Variants in FBXL20 observed in about 807,000 individuals in gnomAD.
FBXL20 encodes F-box/LRR-repeat protein 20.
In FBXL20, 11 loss-of-function variants were observed where a neutral mutation model predicts 64.0. The ratio of observed to expected loss-of-function variants is 0.17; its 90% CI spans 0.11 to 0.28. The LOEUF is 0.28. Ranked by LOEUF, FBXL20 falls within the 10% of genes least tolerant of loss-of-function variation. FBXL20 has a pLI of 1.00. For synonymous variants in FBXL20, 184 were observed against 189.0 expected (o/e 0.97, Z 0.22); for missense variants, 303 against 526.2 (o/e 0.58, Z 4.15).
chr17:39,372,466 C>T (rs1195052608), intron 1 of FBXL20, among the ~76,000 whole-genome samples: 2 of 133,484 alleles, frequency 1.5e-5, no homozygotes, highest in African/African-American at 3.0e-5. Context: ...TTGCAGCGAG[C>T]CGAGATTGCG....
intron 1 of FBXL20, among the ~76,000 whole-genome samples, chr17:39,382,313 T>C (rs2048031958): frequency 6.7e-6 from 1 of 149,950 alleles, no homozygotes; most frequent in Admixed American, 6.7e-5. Context: ...CATGGTGGCG[T>C]ACGCCTGTAG....
chr17:39,368,932 G>A (rs1021609027), intron 1 of FBXL20, among the ~76,000 whole-genome samples: 14 of 152,174 alleles, frequency 9.2e-5, no homozygotes, highest in African/African-American at 3.4e-4. Context: ...TCGGATTACA[G>A]GCATGAGCCA....
At position 39,258,075 on chromosome 17, in the gene FBXL20, G is replaced by T. The variant is rs1254128416; in HGVS notation, c.*3385C>A. Reference sequence around the variant, plus strand: ...GTAGGTTTACGGCAGTAGTTTTGAGGGTACCTTCTAACTTATCCCCAAATC... The same window carrying T: ...GTAGGTTTACGGCAGTAGTTTTGAGTGTACCTTCTAACTTATCCCCAAATC... On this transcript the variant is annotated 3_prime_UTR_variant, in exon 15 of 15. Transcript: ENST00000264658. The T allele has an allele frequency of 6.6e-6, 1 of 152,054 alleles. No individual in the cohort carries two copies. The highest frequency in any genetic ancestry group is 1.5e-5 in the Non-Finnish European group (1 of 68,002). 9.4% of individuals were successfully genotyped at this position (152,054 alleles called of 1,614,324 possible).
chr17:39,344,723 G>A (rs71369745), intron 1 of FBXL20, among the ~76,000 whole-genome samples: 1,956 of 152,282 alleles, frequency 0.013, 49 homozygotes, highest in African/African-American at 0.045. Context: ...CCAGGCTGCA[G>A]AGCTTGCAGT....
rs2046741314 is a variant in FBXL20, at chr17:39,261,111, A to G, written c.*349T>C. The G allele has an allele frequency of 9.2e-6, 2 of 218,050 alleles. No homozygotes were observed. Among genetic ancestry groups the G allele is most frequent in the Non-Finnish European group, 1.9e-5 (2 of 106,920 alleles). 13.5% of individuals were successfully genotyped at this position (218,050 alleles called of 1,614,324 possible). ...CTAAAATCCCCAAAGAAACCCCTAGACAAAAATTTAAAAACCACAGTAGCA... is the reference window on the plus strand; with the variant it reads ...CTAAAATCCCCAAAGAAACCCCTAGGCAAAAATTTAAAAACCACAGTAGCA... On this transcript the variant is annotated 3_prime_UTR_variant, in exon 15 of 15. Transcript: ENST00000264658.
chr17:39,305,262 G>T (rs1021493035), intron 2 of FBXL20, among the ~76,000 whole-genome samples: 4 of 152,144 alleles, frequency 2.6e-5, no homozygotes, highest in Non-Finnish European at 5.9e-5. Flanking sequence ...AGCAATGTTA[G>T]AAAATATTTA....
Position 39,396,010 on chromosome 17 carries a change from G to T in FBXL20, c.42+5351C>A, listed in dbSNP as rs186876923. Among the ~76,000 whole-genome samples the T allele has an allele frequency of 7.3e-3, 936 of 128,988 alleles. 9 individuals carry two copies. Among genetic ancestry groups the T allele is most frequent in the African/African-American group, 0.02 (699 of 34,844 alleles). The allele number at this position is 128,988 out of a possible 152,430, so 84.6% of individuals were successfully genotyped here. On this transcript the variant is annotated intron_variant, in intron 1 of 14. Coordinates refer to ENST00000264658, the MANE Select transcript of FBXL20 (RefSeq NM_032875.3). ...CATTCAAAGCCAAGAGTTTTGTGGG[G>T]TTTTTTTTTTTTTTTAATTCATTTG...
chr17:39,341,959 T>C (rs1401426812), intron 2 of FBXL20, among the ~76,000 whole-genome samples: 2 of 152,206 alleles, frequency 1.3e-5, no homozygotes, highest in Non-Finnish European at 2.9e-5. Context: ...TGCTGCAGTC[T>C]AAAGAATTTC....
chr17:39,306,589 C>T (rs577850867), intron 2 of FBXL20, among the ~76,000 whole-genome samples: 39 of 152,272 alleles, frequency 2.6e-4, no homozygotes, highest in South Asian at 2.5e-3. Flanking sequence ...TATTTCTGAG[C>T]TCTCTATTCT....
At chr17:39,388,088 A>AC (rs2048099720) in intron 1 of FBXL20, among the ~76,000 whole-genome samples, 1 of 152,180 alleles carries the variant, frequency 6.6e-6, no homozygotes, top group South Asian at 2.1e-4. Context: ...TGCAAATTTC[A>AC]CATTATTGAA....
At chr17:39,396,956 CA>C (rs1253381568) in intron 1 of FBXL20, among the ~76,000 whole-genome samples, 64 of 78,332 alleles carry the variant, frequency 8.2e-4, no homozygotes, top group Middle Eastern at 0.013. Flanking sequence ...GACTCCGGCT[CA>C]AAAAAAAAAA....
chr17:39,373,186 T>C (rs1463207999), intron 1 of FBXL20, among the ~76,000 whole-genome samples: 1 of 152,114 alleles, frequency 6.6e-6, no homozygotes, highest in African/African-American at 2.4e-5. Context: ...CCACTCCTGG[T>C]TTACACAAGG....
chr17:39,354,958 T>C (rs1480989475), intron 1 of FBXL20, among the ~76,000 whole-genome samples: 1 of 152,128 alleles, frequency 6.6e-6, no homozygotes, highest in African/African-American at 2.4e-5. Flanking sequence ...TGAGACAGAG[T>C]TTTGCTCTTG....
chr17:39,268,361 T>A (rs539156109), intron 12 of FBXL20, among the ~76,000 whole-genome samples: 12 of 151,908 alleles, frequency 7.9e-5, no homozygotes, highest in South Asian at 2.1e-4. Context: ...CTCAAAAAAA[T>A]AATAATAATA....
At position 39,324,305 on chromosome 17, in the gene FBXL20, T is replaced by C. The variant is rs573676751; in HGVS notation, c.104+18875A>G. Among the ~76,000 whole-genome samples the C allele has an allele frequency of 3.2e-4, 48 of 149,476 alleles. 2 individuals carry two copies. Among genetic ancestry groups the C allele is most frequent in the Admixed American group, 1.4e-3 (21 of 15,186 alleles). On this transcript the variant is annotated intron_variant, in intron 2 of 14. Coordinates refer to ENST00000264658, the MANE Select transcript of FBXL20 (RefSeq NM_032875.3). ...TCTCCAGGTGATTTTTCTTTTTTTTTTAGACAAGAGTCTCACACTGTCACC... is the reference window on the plus strand; with the variant it reads ...TCTCCAGGTGATTTTTCTTTTTTTTCTAGACAAGAGTCTCACACTGTCACC...
intron 1 of FBXL20, among the ~76,000 whole-genome samples, chr17:39,360,296 T>G (rs1374069898): frequency 2.0e-5 from 3 of 152,164 alleles, no homozygotes; most frequent in Admixed American, 1.3e-4. Context: ...ATGAAAAAAG[T>G]TCTACATGTG....
rs2046670355 is a variant in FBXL20 at position 39,253,710 on chromosome 17, T to C, written c.*7750A>G. 6.6e-6 allele frequency: 1 copy of C among 152,280 alleles called. No individual in the cohort carries two copies. The allele number at this position is 152,280 out of a possible 1,614,324, so 9.4% of individuals were successfully genotyped here. ...CTGCACTATTAGAAATTAACAGTCA[T>C]CAGAGAAGCACAGATAAATTATTCT... On this transcript the variant is annotated 3_prime_UTR_variant, in exon 15 of 15. Transcript: ENST00000264658.
intron 2 of FBXL20, among the ~76,000 whole-genome samples, chr17:39,336,832 A>G (rs889053453): frequency 6.6e-6 from 1 of 152,036 alleles, no homozygotes; most frequent in Non-Finnish European, 1.5e-5. Flanking sequence ...TCAAAAAAAA[A>G]AAAGAAAAGA....
intron 2 of FBXL20, 78 bp from the exon 3 acceptor site, chr17:39,303,717 C>CAAAATA: frequency 7.6e-7 from 1 of 1,310,218 alleles, no homozygotes; most frequent in Non-Finnish European, 1.1e-6. Context: ...GACAGGGTCT[C>CAAAATA]ACTCTGTCAG....
Sources: allele counts gnomAD v4.1 joint callset (sites outside exome capture counted in the v4.1 genomes callset), GRCh38; gene constraint gnomAD v4.1.1; transcripts MANE v1.5; gene names NCBI Gene and HGNC (gene_info 2026-07-23, HGNC 2026-07-21).